Variants in ZSCAN5A observed in about 807,000 individuals in gnomAD.
ZSCAN5A encodes zinc finger and SCAN domain-containing protein 5A.
In ZSCAN5A, 12 loss-of-function variants were observed where a neutral mutation model predicts 23.7. The observed-to-expected ratio is 0.51, with a 90% CI of 0.32 to 0.82. The LOEUF (loss-of-function observed/expected upper bound fraction) is 0.82, where lower values mean the gene tolerates loss of function less well. Among genes scored for constraint, ZSCAN5A ranks in the 40% least tolerant of loss-of-function variants. The probability of loss-of-function intolerance (pLI) is 0.03; values close to 1 mark genes in which losing one functional copy is unlikely to be tolerated. For missense variants in ZSCAN5A, 597 were observed against 617.9 expected (o/e 0.97, Z 0.36); for synonymous variants, 257 against 239.9 (o/e 1.07, Z -0.66).
chr19:56,284,171 T>C, intron 2 of ZSCAN5A: 1 of 985,508 alleles, frequency 1.0e-6, no homozygotes. Context: ...GCCACCATGC[T>C]GACTCTCCTG....
At chr19:56,302,742 A>G (rs1007955551) in intron 2 of ZSCAN5A, 1 of 388,746 alleles carries the variant, frequency 2.6e-6, no homozygotes, top group Non-Finnish European at 4.5e-6. Flanking sequence ...GACTGGGATA[A>G]AACTTCTCCC....
At chr19:56,358,413 G>T (rs1600302599) in intron 2 of ZSCAN5A, among the ~76,000 whole-genome samples, 1 of 148,882 alleles carries the variant, frequency 6.7e-6, no homozygotes, top group Non-Finnish European at 1.5e-5. Flanking sequence ...GAGCCTCCAC[G>T]CCCAGCCCAT....
At chr19:56,270,635 T>C (rs2037779542) in intron 2 of ZSCAN5A, among the ~76,000 whole-genome samples, 2 of 152,190 alleles carry the variant, frequency 1.3e-5, no homozygotes, top group African/African-American at 2.4e-5. Flanking sequence ...TTGCCTAACA[T>C]AGCCCAATAC....
intron 2 of ZSCAN5A, among the ~76,000 whole-genome samples, chr19:56,298,534 T>C (rs889034546): frequency 6.6e-6 from 1 of 151,634 alleles, no homozygotes; most frequent in Non-Finnish European, 1.5e-5. Flanking sequence ...GTGCCTGTAG[T>C]CCCAGCTACT....
At position 56,276,567 on chromosome 19, in the gene ZSCAN5A, C is replaced by T. The variant is rs139963401; in HGVS notation, c.-128+36716G>A. Reference sequence around the variant, plus strand: ...ATTTATTTATTTTTGAGACGAGCCTCGCTCTGTCGCCCAGGCTGGAGTGTA... The same window carrying T: ...ATTTATTTATTTTTGAGACGAGCCTTGCTCTGTCGCCCAGGCTGGAGTGTA... On this transcript the variant is annotated intron_variant, in intron 2 of 5. Transcript: ENST00000683990. Among the ~76,000 whole-genome samples the T allele has an allele frequency of 6.9e-3, 1,016 of 148,186 alleles. 15 individuals are homozygous for T. The highest frequency in any genetic ancestry group is 0.024 in the African/African-American group (966 of 40,684).
Position 56,287,301 on chromosome 19 carries a change from T to C in ZSCAN5A, c.-128+25982A>G, listed in dbSNP as rs532938524. ...GTGGGAAACATTTTACGGAAACCTA[T>C]GACTGAGTTTTGATGGAGAATGTCA... On this transcript the variant is annotated intron_variant, in intron 2 of 5. Coordinates refer to ENST00000683990, the MANE Select transcript of ZSCAN5A (RefSeq NM_001322064.3). 3.3e-5 allele frequency among the ~76,000 whole-genome samples: 5 copies of C among 152,362 alleles called. No individual in the cohort carries two copies. The South Asian group carries it at 8.3e-4, about 25-fold the overall frequency.
intron 2 of ZSCAN5A, among the ~76,000 whole-genome samples, chr19:56,265,991 G>T (rs1041966359): frequency 6.6e-6 from 1 of 152,120 alleles, no homozygotes; most frequent in Non-Finnish European, 1.5e-5. Flanking sequence ...GGAAATCAGG[G>T]TATAGAGACT....
chr19:56,308,826 G>A (rs377760873), intron 2 of ZSCAN5A, among the ~76,000 whole-genome samples: 3 of 152,278 alleles, frequency 2.0e-5, no homozygotes, highest in East Asian at 1.9e-4. Context: ...GGAAATGAAT[G>A]GTGTTGAACG....
intron 2 of ZSCAN5A, chr19:56,244,267 C>T (rs753317945): frequency 1.4e-5 from 23 of 1,607,872 alleles, no homozygotes; most frequent in African/African-American, 1.2e-4. Context: ...GGCTGAGGCC[C>T]GACCTCCACA....
chr19:56,355,726 G>A lies in ZSCAN5A; in HGVS notation c.-358+7509C>T, dbSNP rs1272046109. ...GCGCAGTTTGTGTGTGTTTAAACTG[G>A]CAGTACTGATCCTTCCATGTATTTG... On this transcript the variant is annotated intron_variant, in intron 2 of 6. Transcript: ENST00000587340. 2.0e-5 allele frequency among the ~76,000 whole-genome samples: 3 copies of A among 148,632 alleles called. 1 individual carries two copies. Among genetic ancestry groups the A allele is most frequent in the African/African-American group, 7.6e-5 (3 of 39,418 alleles).
chr19:56,259,928 C>T (rs1040668970), intron 2 of ZSCAN5A, among the ~76,000 whole-genome samples: 2 of 152,174 alleles, frequency 1.3e-5, no homozygotes, highest in East Asian at 3.8e-4. Flanking sequence ...GAGCTGTGAT[C>T]GTGCCCTTGC....
At chr19:56,349,249 G>T (rs73628723) in intron 2 of ZSCAN5A, among the ~76,000 whole-genome samples, 2 of 152,024 alleles carry the variant, frequency 1.3e-5, no homozygotes, top group Non-Finnish European at 2.9e-5. Flanking sequence ...GCCAAGCTAG[G>T]AAGGGCCCTA....
chr19:56,245,303 G>A (rs1399456306), intron 2 of ZSCAN5A: 1 of 737,548 alleles, frequency 1.4e-6, no homozygotes, highest in Admixed American at 1.8e-5. Context: ...CAGTGTCAGA[G>A]ATGATCCGAG....
upstream of ZSCAN5A, chr19:56,317,366 C>T (rs901862229): frequency 1.3e-5 from 2 of 152,262 alleles, no homozygotes; most frequent in African/African-American, 2.4e-5. Flanking sequence ...TTGAAAGCAT[C>T]AGGCAGGTTC....
intron 2 of ZSCAN5A, chr19:56,286,768 G>A (rs1421992060): frequency 2.6e-5 from 4 of 152,248 alleles, no homozygotes; most frequent in African/African-American, 4.8e-5. Context: ...TACCCAAGGA[G>A]TTCAAGCTGA....
chr19:56,341,583 G>A (rs1192829961), intron 2 of ZSCAN5A, among the ~76,000 whole-genome samples: 1 of 151,376 alleles, frequency 6.6e-6, no homozygotes, highest in Non-Finnish European at 1.5e-5. Context: ...AATGTCACAA[G>A]GACTTTAAAA....
At chr19:56,325,684 A>C (rs768469545) in intron 2 of ZSCAN5A, among the ~76,000 whole-genome samples, 2 of 151,986 alleles carry the variant, frequency 1.3e-5, no homozygotes, top group Non-Finnish European at 2.9e-5. Context: ...TGAAGGGGTT[A>C]AGGAGGGAGA....
intron 2 of ZSCAN5A, among the ~76,000 whole-genome samples, chr19:56,329,088 C>T (rs1319334517): frequency 1.3e-5 from 2 of 151,894 alleles, no homozygotes; most frequent in Non-Finnish European, 2.9e-5. Flanking sequence ...GTGGCTCATA[C>T]CTGTAATCCC....
At chr19:56,302,581 C>CTCCCTCCCCCCTTCCTTTTCTTCCT (rs1555807484) in intron 2 of ZSCAN5A, among the ~76,000 whole-genome samples, 1 of 40,022 alleles carries the variant, frequency 2.5e-5, no homozygotes, top group East Asian at 1.0e-3. Context: ...TTCTTCCTCC[C>CTCCCTCCCCCCTTCCTTTTCTTCCT]CCTTTTCTTC....
Sources: allele counts gnomAD v4.1 joint callset (sites outside exome capture counted in the v4.1 genomes callset), GRCh38; gene constraint gnomAD v4.1.1; transcripts MANE v1.5; gene names NCBI Gene and HGNC (gene_info 2026-07-23, HGNC 2026-07-21).